The following CCDC30 variants were observed in gnomAD, a reference collection of about 807,000 sequenced individuals.
CCDC30 encodes coiled-coil domain containing 30.
CCDC30 carries 70 observed loss-of-function variants against 100.2 expected under a neutral mutation model. The ratio of observed to expected loss-of-function variants is 0.70; its 90% CI spans 0.58 to 0.85. CCDC30 has a LOEUF of 0.85. CCDC30 is among the 40% of genes least tolerant of loss of function. The pLI is 0.00. For synonymous variants in CCDC30, 233 were observed against 269.5 expected (o/e 0.86, Z 1.33); for missense variants, 652 against 771.2 (o/e 0.85, Z 1.83).
intron 1 of CCDC30, among the ~76,000 whole-genome samples, chr1:42,478,201 A>G (rs1286197322): frequency 3.3e-5 from 5 of 152,186 alleles, no homozygotes; most frequent in Non-Finnish European, 7.3e-5. Context: ...TAGAAAAATT[A>G]CTCTAGCAAC....
chr1:42,644,549 G>GA, intron 13 of CCDC30, 144 bp from the exon 18 acceptor site: 1 of 604,544 alleles, frequency 1.7e-6, no homozygotes, highest in South Asian at 1.9e-5. Context: ...CTTGGAATAT[G>GA]GTGGGAATTA....
chr1:42,587,289 GT>G (rs1226978140), intron 9 of CCDC30, among the ~76,000 whole-genome samples: 1 of 152,198 alleles, frequency 6.6e-6, no homozygotes, highest in Non-Finnish European at 1.5e-5. Flanking sequence ...GAGCCACCAT[GT>G]CCAGCCAACT....
chr1:42,512,967 G>A (rs1292481281), intron 6 of CCDC30, among the ~76,000 whole-genome samples: 3 of 152,124 alleles, frequency 2.0e-5, no homozygotes, highest in Non-Finnish European at 2.9e-5. Flanking sequence ...TATTTAGTTT[G>A]ATTTGATTCT....
rs115515222 is a variant in CCDC30 at position 42,638,939 on chromosome 1, G to T, written c.1419+1561G>T. On this transcript the variant is annotated intron_variant, in intron 12 of 16. Coordinates refer to ENST00000668663, the Ensembl canonical transcript of CCDC30. ...AGGAAAAAAAAAAGTAGCAACCCTAGTTCATGGGTCCATCAGACATATCAT... is the reference window on the plus strand; with the variant it reads ...AGGAAAAAAAAAAGTAGCAACCCTATTTCATGGGTCCATCAGACATATCAT... Among the ~76,000 whole-genome samples, 629 of 152,040 alleles carry T rather than the reference G, an allele frequency of 4.1e-3. 6 individuals are homozygous for T. The highest frequency in any genetic ancestry group is 0.014 in the African/African-American group (601 of 41,482).
chr1:42,490,941 G>C (rs1168099036), intron 4 of CCDC30, among the ~76,000 whole-genome samples: 2 of 152,090 alleles, frequency 1.3e-5, no homozygotes, highest in Non-Finnish European at 2.9e-5. Context: ...AAGCCAGTAG[G>C]CTTGAATCAG....
chr1:42,580,516 T>C (rs1157742664), intron 8 of CCDC30, among the ~76,000 whole-genome samples: 3 of 152,196 alleles, frequency 2.0e-5, no homozygotes, highest in Non-Finnish European at 4.4e-5. Context: ...TCAATAAATA[T>C]TTATTGAGCA....
the CCDC30 span, chr1:42,456,497 C>G: frequency 2.1e-6 from 3 of 1,407,556 alleles, no homozygotes; most frequent in African/African-American, 4.4e-5. Flanking sequence ...GCGCGTACAC[C>G]AGGTAGGCGA....
intron 6 of CCDC30, among the ~76,000 whole-genome samples, chr1:42,565,482 A>G (rs1477201597): frequency 1.4e-4 from 22 of 152,226 alleles, no homozygotes; most frequent in Admixed American, 1.2e-3. Context: ...TAAAACCACA[A>G]TGAAATATCA....
intron 6 of CCDC30, among the ~76,000 whole-genome samples, chr1:42,532,144 A>G (rs949605218): frequency 6.6e-6 from 1 of 152,058 alleles, no homozygotes; most frequent in Non-Finnish European, 1.5e-5. Context: ...CAAACAAAAA[A>G]AGACTTAATG....
intron 3 of CCDC30, among the ~76,000 whole-genome samples, chr1:42,489,768 C>A (rs1644108279): frequency 6.6e-6 from 1 of 152,154 alleles, no homozygotes; most frequent in South Asian, 2.1e-4. Flanking sequence ...TGGCAAAATT[C>A]TAAATATGAT....
chr1:42,509,206 C>G (rs923406632), intron 6 of CCDC30, among the ~76,000 whole-genome samples: 1 of 152,192 alleles, frequency 6.6e-6, no homozygotes, highest in Non-Finnish European at 1.5e-5. Flanking sequence ...TTCCCCATCC[C>G]TAGACATAGG....
At chr1:42,535,144 T>G (rs1452241584) in intron 6 of CCDC30, among the ~76,000 whole-genome samples, 1 of 152,194 alleles carries the variant, frequency 6.6e-6, no homozygotes, top group Non-Finnish European at 1.5e-5. Context: ...ACAGAAAACC[T>G]TGCCAGGAGT....
chr1:42,591,624 A>G (rs1314760565), intron 10 of CCDC30: 2 of 152,350 alleles, frequency 1.3e-5, no homozygotes, highest in African/African-American at 4.8e-5. Flanking sequence ...GAGAAGTTCT[A>G]ATAGGGCAAT....
At chr1:42,495,890 G>A (rs1426498757) in intron 4 of CCDC30, among the ~76,000 whole-genome samples, 1 of 152,024 alleles carries the variant, frequency 6.6e-6, no homozygotes, top group Non-Finnish European at 1.5e-5. Flanking sequence ...TAACAAATAA[G>A]TACAGAGAGT....
chr1:42,558,042 G>GA (rs71798684), intron 6 of CCDC30: 40,830 of 200,648 alleles, frequency 0.2, 4,692 homozygotes, highest in East Asian at 0.41. Flanking sequence ...TATATGGTGG[G>GA]AAAAAAAATA....
At chr1:42,644,464 G>A (rs553678554) in intron 13 of CCDC30, among the ~76,000 whole-genome samples, 3 of 152,196 alleles carry the variant, frequency 2.0e-5, no homozygotes, top group Admixed American at 6.5e-5. Flanking sequence ...ACACCCTCAC[G>A]GACACACCCA....
chr1:42,507,109 T>C (rs1644406431), intron 6 of CCDC30, among the ~76,000 whole-genome samples: 1 of 152,172 alleles, frequency 6.6e-6, no homozygotes, highest in Non-Finnish European at 1.5e-5. Flanking sequence ...GTATTTTTAG[T>C]AGAGACGGGG....
intron 6 of CCDC30, among the ~76,000 whole-genome samples, chr1:42,552,764 A>G (rs2148545480): frequency 6.6e-6 from 1 of 152,096 alleles, no homozygotes; most frequent in Non-Finnish European, 1.5e-5. Flanking sequence ...CGCCACTGAT[A>G]CCACAAGGCA....
chr1:42,622,751 G>A (rs1429340702), intron 11 of CCDC30, among the ~76,000 whole-genome samples: 2 of 152,164 alleles, frequency 1.3e-5, no homozygotes, highest in African/African-American at 2.4e-5. Flanking sequence ...TAGGATTACA[G>A]GCATGGGCCA....
Sources: allele counts gnomAD v4.1 joint callset (sites outside exome capture counted in the v4.1 genomes callset), GRCh38; gene constraint gnomAD v4.1.1; transcripts MANE v1.5; gene names NCBI Gene and HGNC (gene_info 2026-07-23, HGNC 2026-07-21).